HSPA14: variants seen among roughly 807,000 people sequenced by gnomAD.
HSPA14 encodes heat shock protein family A (Hsp70) member 14.
A neutral mutation model predicts 65.5 loss-of-function variants in HSPA14; 37 were observed. The observed-to-expected ratio is 0.56, with a 90% CI of 0.43 to 0.74. The LOEUF (loss-of-function observed/expected upper bound fraction) is 0.74. Among genes scored for constraint, HSPA14 ranks in the 30% least tolerant of loss-of-function variants. The pLI, the probability that HSPA14 is intolerant of heterozygous loss-of-function variation, is 0.00. For missense variants in HSPA14, 564 were observed against 607.6 expected, an observed-to-expected ratio of 0.93 and a Z score of 0.75; for synonymous variants, 203 against 214.2, an observed-to-expected ratio of 0.95 and a Z score of 0.46.
Position 14,839,899 on chromosome 10 carries a change from C to G in HSPA14, c.58-6C>G. The stretch of plus-strand genomic sequence containing the variant: ...GAGACTATGTATTTCGTGTTTTTTT[C>G]TCTAGGATGGCCGGGCTGGTGTGGT... On this transcript the variant is annotated splice_polypyrimidine_tract_variant and splice_region_variant and intron_variant, in intron 1 of 13. Transcript: ENST00000378372. The G allele has an allele frequency of 6.2e-7, 1 of 1,610,326 alleles. No homozygotes were observed. Among genetic ancestry groups the G allele is most frequent in the Non-Finnish European group, 8.5e-7 (1 of 1,177,438 alleles).
chr10:14,864,927 TAC>T (rs971619545), intron 10 of HSPA14, among the ~76,000 whole-genome samples: 1 of 147,914 alleles, frequency 6.8e-6, no homozygotes, highest in Non-Finnish European at 1.5e-5. Context: ...TGAACTAGTT[TAC>T]AGTCCCACCA....
At chr10:14,850,269 C>CA (rs200743230) in intron 6 of HSPA14, among the ~76,000 whole-genome samples, 21,748 of 104,856 alleles carry the variant, frequency 0.21, 3,746 homozygotes, top group African/African-American at 0.48. Context: ...GACTTCGTCT[C>CA]AAAAAAAAAA....
intron 3 of HSPA14, among the ~76,000 whole-genome samples, chr10:14,840,485 T>C (rs1299439150): frequency 5.3e-5 from 8 of 152,244 alleles, no homozygotes; most frequent in Non-Finnish European, 1.2e-4. Context: ...TGAAGACTTA[T>C]TGACAATGTG....
chr10:14,865,529 C>T (rs1195633364), intron 10 of HSPA14, among the ~76,000 whole-genome samples: 4 of 152,216 alleles, frequency 2.6e-5, no homozygotes, highest in African/African-American at 7.2e-5. Context: ...CCAGTTTCAG[C>T]TTTCTACCTA....
rs1278824632 is a variant in HSPA14 at position 14,842,894 on chromosome 10, C to G, written c.221+2737C>G. On this transcript the variant is annotated intron_variant, in intron 3 of 13. Coordinates refer to ENST00000378372, the MANE Select transcript of HSPA14 (RefSeq NM_016299.4). The surrounding 1 kb of genome is among the most constrained non-coding windows in gnomAD (Gnocchi z 5.2). ...AGTTGGGTCCCAGAGTCTTGTGGCT[C>G]TAAACATTTAGCTGTGTCTGTTTGG... is the stretch of plus-strand genomic sequence containing the variant. 1 of 1,301,344 alleles carries G rather than the reference C, an allele frequency of 7.7e-7. No homozygotes were observed. Among genetic ancestry groups the G allele is most frequent in the Admixed American group, 2.4e-5 (1 of 41,616 alleles). 80.6% of individuals were successfully genotyped at this position (1,301,344 alleles called of 1,614,324 possible).
intron 3 of HSPA14, chr10:14,845,458 G>A (rs1402950921): frequency 1.0e-6 from 1 of 985,280 alleles, no homozygotes; most frequent in Non-Finnish European, 1.2e-6. Context: ...CGGCAAGCGA[G>A]CTGCTCTGCC....
At chr10:14,844,914 A>G (rs1156338791) in intron 3 of HSPA14, 1 of 985,384 alleles carries the variant, frequency 1.0e-6, no homozygotes, top group Non-Finnish European at 1.2e-6. Context: ...GGCAAGCCCT[A>G]GAAACGTTTC....
chr10:14,849,328 C>A (rs1834089708), intron 5 of HSPA14: 2 of 455,974 alleles, frequency 4.4e-6, no homozygotes, highest in African/African-American at 2.0e-5. Context: ...GTTTATAAGG[C>A]TTCCTTCAGC....
At position 14,849,047 on chromosome 10, in the gene HSPA14, C is replaced by T. The variant is rs953556051; in HGVS notation, c.376+152C>T. ...ATAAACTGTCGACCTGGTTGGGGCACTAACTGGGTATGTGCCCGTGGTTAA... is the reference window on the plus strand; with the variant it reads ...ATAAACTGTCGACCTGGTTGGGGCATTAACTGGGTATGTGCCCGTGGTTAA... On this transcript the variant is annotated intron_variant, in intron 5 of 13. Transcript: ENST00000378372. 7 of 539,322 alleles carry T rather than the reference C, an allele frequency of 1.3e-5. No homozygotes were observed. In the Admixed American group the frequency reaches 1.7e-4, roughly 13 times the overall value. 33.4% of individuals were successfully genotyped at this position (539,322 alleles called of 1,614,324 possible). A position where few individuals can be genotyped will look rare whatever the true frequency, so the allele number is the denominator to read the frequency against.
At chr10:14,848,544 TA>T in intron 3 of HSPA14, 64 bp from the exon 4 acceptor site, 1 of 1,229,608 alleles carries the variant, frequency 8.1e-7, no homozygotes, top group Non-Finnish European at 1.2e-6. Context: ...CAGTCTTCTC[TA>T]AACTTTATAT....
rs1247900767 is a variant in HSPA14, at chr10:14,864,230, CG to C, written c.994-2851del. On this transcript the variant is annotated intron_variant, in intron 10 of 13. Coordinates refer to ENST00000378372, the MANE Select transcript of HSPA14 (RefSeq NM_016299.4). ...GGGTGACAGGGCAAGACTCTGTCTCCGGAAAAAAAAAAAAAAAAAGTCAATA... is the reference window on the plus strand; with the variant it reads ...GGGTGACAGGGCAAGACTCTGTCTCCGAAAAAAAAAAAAAAAAAGTCAATA... Among the ~76,000 whole-genome samples, 50 of 128,126 alleles carry C rather than the reference CG, an allele frequency of 3.9e-4. No individual in the cohort carries two copies. In the South Asian group the frequency reaches 0.012, roughly 30 times the overall value. 84.1% of individuals were successfully genotyped at this position (128,126 alleles called of 152,430 possible).
At chr10:14,864,601 G>A (rs571039911) in intron 10 of HSPA14, among the ~76,000 whole-genome samples, 7 of 152,058 alleles carry the variant, frequency 4.6e-5, no homozygotes, top group African/African-American at 1.2e-4. Flanking sequence ...TTGTCCTTGC[G>A]ATAGTTTGCT....
chr10:14,840,679 AG>A (rs1023806287), intron 3 of HSPA14, among the ~76,000 whole-genome samples: 7 of 152,216 alleles, frequency 4.6e-5, no homozygotes, highest in African/African-American at 1.7e-4. Flanking sequence ...ATCTGTTGTA[AG>A]TTTAATTAGA....
intron 10 of HSPA14, among the ~76,000 whole-genome samples, chr10:14,866,634 G>T (rs968811887): frequency 6.6e-6 from 1 of 151,986 alleles, no homozygotes; most frequent in African/African-American, 2.4e-5. Flanking sequence ...TTCTTCCATG[G>T]TAAAGGCAAA....
intron 3 of HSPA14, among the ~76,000 whole-genome samples, chr10:14,840,759 G>T (rs1833962865): frequency 1.3e-5 from 2 of 152,168 alleles, no homozygotes; most frequent in Non-Finnish European, 2.9e-5. Flanking sequence ...ATAATTAGGG[G>T]TTTTCATTTT....
chr10:14,849,643 T>C (rs1307773685), intron 5 of HSPA14, 78 bp from the exon 6 acceptor site: 1 of 1,143,864 alleles, frequency 8.7e-7, no homozygotes, highest in Non-Finnish European at 1.3e-6. Flanking sequence ...GAGATCTTTG[T>C]CATAAATTAA....
Position 14,847,928 on chromosome 10 carries a change from G to A in HSPA14, c.222-681G>A, listed in dbSNP as rs940954439. 2.6e-5 allele frequency among the ~76,000 whole-genome samples: 4 copies of A among 152,224 alleles called. No individual in the cohort carries two copies. In the South Asian group the frequency reaches 6.2e-4, roughly 24 times the overall value. ...TAGTAGCGTGATAGAGAAGACCTAG[G>A]CTCACGTACTGACTCTGCCCCTTGT... On this transcript the variant is annotated intron_variant, in intron 3 of 13. Coordinates refer to ENST00000378372, the MANE Select transcript of HSPA14 (RefSeq NM_016299.4).
chr10:14,848,762 T>C, intron 4 of HSPA14, 28 bp from the exon 5 acceptor site: 1 of 1,436,930 alleles, frequency 7.0e-7, no homozygotes, highest in Non-Finnish European at 9.6e-7. Context: ...AAATTATTTA[T>C]TTAGCATAAT....
intron 3 of HSPA14, chr10:14,846,934 C>T: frequency 1.0e-6 from 1 of 985,426 alleles, no homozygotes; most frequent in African/African-American, 1.7e-5. Context: ...ATACCAACTT[C>T]TCACCACCTT....
Sources: allele counts gnomAD v4.1 joint callset (sites outside exome capture counted in the v4.1 genomes callset), GRCh38; gene constraint gnomAD v4.1.1; non-coding constraint Gnocchi (gnomAD v3.1); transcripts MANE v1.5; gene names NCBI Gene and HGNC (gene_info 2026-07-23, HGNC 2026-07-21).